Variants in LARGE1 observed in about 807,000 individuals in gnomAD.
LARGE1 encodes the protein LARGE xylosyl- and glucuronyltransferase 1, also known as xylosyl- and glucuronyltransferase LARGE1.
Under a neutral mutation model 87.6 loss-of-function variants are expected in LARGE1, and 43 were observed. The ratio of observed to expected loss-of-function variants is 0.49; its 90% CI spans 0.38 to 0.63. The LOEUF (loss-of-function observed/expected upper bound fraction) is 0.63, where lower values mean the gene tolerates loss of function less well. Among genes scored for constraint, LARGE1 ranks in the 30% least tolerant of loss-of-function variants. The probability of loss-of-function intolerance (pLI) is 0.00; values close to 1 mark genes in which losing one functional copy is unlikely to be tolerated. For synonymous variants in LARGE1, 434 were observed against 394.6 expected, an observed-to-expected ratio of 1.10 and a Z score of -1.18; for missense variants, 802 against 1,000.2, an observed-to-expected ratio of 0.80 and a Z score of 2.67.
At chr22:33,417,879 C>A (rs1046033571) in intron 7 of LARGE1, among the ~76,000 whole-genome samples, 13 of 152,164 alleles carry the variant, frequency 8.5e-5, no homozygotes, top group Middle Eastern at 3.2e-3. Flanking sequence ...CAGGTTGAGT[C>A]CTTCTCCTAC....
chr22:33,577,370 C>T (rs557594177), intron 5 of LARGE1, among the ~76,000 whole-genome samples: 5 of 152,270 alleles, frequency 3.3e-5, no homozygotes, highest in South Asian at 4.2e-4. Flanking sequence ...CAAAAGCACA[C>T]GCATACACAT....
intron 1 of LARGE1, among the ~76,000 whole-genome samples, chr22:33,768,164 C>T (rs1269205245): frequency 6.6e-6 from 1 of 152,118 alleles, no homozygotes; most frequent in African/African-American, 2.4e-5. Context: ...AAAAACTTAG[C>T]CAGGCGTGGT....
chr22:33,885,472 G>T (rs1302175833), intron 1 of LARGE1, among the ~76,000 whole-genome samples: 1 of 152,122 alleles, frequency 6.6e-6, no homozygotes, highest in Non-Finnish European at 1.5e-5. Context: ...TACAAAAATA[G>T]GAATGTTTAT....
intron 7 of LARGE1, among the ~76,000 whole-genome samples, chr22:33,393,840 G>A (rs146603181): frequency 1.1e-4 from 16 of 152,322 alleles, no homozygotes; most frequent in Non-Finnish European, 2.1e-4. Context: ...TGTGCTGGGA[G>A]CACAGAGACC....
At chr22:33,849,192 C>T (rs1000776497) in intron 1 of LARGE1, among the ~76,000 whole-genome samples, 4 of 152,204 alleles carry the variant, frequency 2.6e-5, no homozygotes, top group Non-Finnish European at 4.4e-5. Flanking sequence ...CCCGGAGTCA[C>T]CCCAGGATAA....
chr22:33,498,274 AT>A (rs2070247653), intron 6 of LARGE1, among the ~76,000 whole-genome samples: 1 of 152,070 alleles, frequency 6.6e-6, no homozygotes, highest in Non-Finnish European at 1.5e-5. Context: ...GAGGGTTCAG[AT>A]TTAACTTTTT....
the LARGE1 span, among the ~76,000 whole-genome samples, chr22:33,098,544 C>A: frequency 6.6e-6 from 1 of 152,120 alleles, no homozygotes; most frequent in Non-Finnish European, 1.5e-5. Context: ...TGGCGTGAAC[C>A]CAGGAGGCGG....
intron 6 of LARGE1, among the ~76,000 whole-genome samples, chr22:33,522,697 G>A (rs1004176265): frequency 9.2e-5 from 14 of 152,176 alleles, no homozygotes; most frequent in South Asian, 4.2e-4. Flanking sequence ...TGGGCGTGGT[G>A]GCATGCACCT....
intron 2 of LARGE1, among the ~76,000 whole-genome samples, chr22:33,661,968 A>T (rs1393946966): frequency 6.6e-6 from 1 of 151,710 alleles, no homozygotes. Flanking sequence ...CATGACTAAA[A>T]ATCTAGAGCA....
At chr22:33,422,605 GT>G (rs756154270) in intron 7 of LARGE1, among the ~76,000 whole-genome samples, 14 of 151,888 alleles carry the variant, frequency 9.2e-5, no homozygotes, top group Non-Finnish European at 1.5e-4. Context: ...CAACTCCTTG[GT>G]TTAAGAGATT....
chr22:33,151,213 A>G, the LARGE1 span, among the ~76,000 whole-genome samples: 1 of 152,070 alleles, frequency 6.6e-6, no homozygotes, highest in Non-Finnish European at 1.5e-5. Context: ...TAGAGCTATA[A>G]TTTATAGTAT....
chr22:33,884,066 G>C (rs1420291745), intron 1 of LARGE1, among the ~76,000 whole-genome samples: 1 of 152,208 alleles, frequency 6.6e-6, no homozygotes, highest in African/African-American at 2.4e-5. Flanking sequence ...GTAAATAGTT[G>C]TGTGATGAAT....
intron 6 of LARGE1, among the ~76,000 whole-genome samples, chr22:33,525,646 T>TC (rs71727777): frequency 6.6e-6 from 1 of 151,842 alleles, no homozygotes; most frequent in African/African-American, 2.4e-5. Context: ...CCCCTATGTT[T>TC]CCCCCCCAGC....
At chr22:33,338,556 T>G (rs1226969113) in intron 9 of LARGE1, among the ~76,000 whole-genome samples, 1 of 152,244 alleles carries the variant, frequency 6.6e-6, no homozygotes, top group Non-Finnish European at 1.5e-5. Flanking sequence ...GATTAAATTC[T>G]CTGTTCAAAT....
chr22:33,308,634 G>T (rs1393167670), intron 11 of LARGE1, among the ~76,000 whole-genome samples: 12 of 152,120 alleles, frequency 7.9e-5, no homozygotes, highest in Non-Finnish European at 1.5e-4. Flanking sequence ...CAACCGGCTT[G>T]TACCTGCCGC....
intron 2 of LARGE1, among the ~76,000 whole-genome samples, chr22:33,661,102 C>A (rs1347313915): frequency 6.6e-6 from 1 of 151,966 alleles, no homozygotes; most frequent in Non-Finnish European, 1.5e-5. Context: ...ATTTTGCATT[C>A]ATCATACTGA....
chr22:33,112,686 G>A, the LARGE1 span, among the ~76,000 whole-genome samples: 1 of 152,178 alleles, frequency 6.6e-6, no homozygotes, highest in African/African-American at 2.4e-5. Flanking sequence ...GTGCTCTCTT[G>A]GTGAGCTCTT....
chr22:33,229,498 A>C (rs1260588433), intron 11 of LARGE1, among the ~76,000 whole-genome samples: 1 of 152,148 alleles, frequency 6.6e-6, no homozygotes, highest in South Asian at 2.1e-4. Context: ...ATAGTCACTA[A>C]AATTGTAAAC....
At chr22:33,689,726 T>C (rs541007083) in intron 2 of LARGE1, among the ~76,000 whole-genome samples, 33 of 151,418 alleles carry the variant, frequency 2.2e-4, no homozygotes, top group African/African-American at 7.8e-4. Context: ...GGGGTTTGAG[T>C]CCAGCCTGGC....
Sources: allele counts gnomAD v4.1 joint callset (sites outside exome capture counted in the v4.1 genomes callset), GRCh38; gene constraint gnomAD v4.1.1; transcripts MANE v1.5; gene names NCBI Gene and HGNC (gene_info 2026-07-23, HGNC 2026-07-21).